Variants in RFX3 observed in about 807,000 individuals in gnomAD.
RFX3 encodes the protein transcription factor RFX3.
A neutral mutation model predicts 98.6 loss-of-function variants in RFX3; 14 were observed. The observed-to-expected ratio is 0.14, with a 90% CI of 0.09 to 0.22. The LOEUF is 0.22. Among genes scored for constraint, RFX3 ranks in the 10% least tolerant of loss-of-function variants. The probability of loss-of-function intolerance (pLI) is 1.00; values close to 1 mark genes in which losing one functional copy is unlikely to be tolerated. For synonymous variants in RFX3, 383 were observed against 328.4 expected (o/e 1.17, Z -1.80); for missense variants, 639 against 926.9 (o/e 0.69, Z 4.03).
chr9:3,232,411 T>C (rs1405930136), intron 15 of RFX3, among the ~76,000 whole-genome samples: 1 of 152,172 alleles, frequency 6.6e-6, no homozygotes, highest in African/African-American at 2.4e-5. Flanking sequence ...CACCGCATCA[T>C]GCTCACTTCC....
At chr9:3,337,203 C>T (rs779158366) in intron 3 of RFX3, among the ~76,000 whole-genome samples, 1 of 151,902 alleles carries the variant, frequency 6.6e-6, no homozygotes, top group African/African-American at 2.4e-5. Context: ...CTGAGATGGG[C>T]CATGTAAGAT....
chr9:3,523,384 TCA>T (rs1291035563), intron 1 of RFX3, among the ~76,000 whole-genome samples: 3 of 152,224 alleles, frequency 2.0e-5, no homozygotes, highest in Non-Finnish European at 2.9e-5. Context: ...TTACCATTTC[TCA>T]GTGTTTCTGA....
chr9:3,281,486 T>C (rs1248349006), intron 7 of RFX3, among the ~76,000 whole-genome samples: 1 of 151,720 alleles, frequency 6.6e-6, no homozygotes, highest in Admixed American at 6.6e-5. Flanking sequence ...TTAGATTTGG[T>C]TTTCCCAGAG....
chr9:3,330,985 G>C (rs191768722), intron 3 of RFX3, among the ~76,000 whole-genome samples: 4 of 152,246 alleles, frequency 2.6e-5, no homozygotes, highest in Non-Finnish European at 4.4e-5. Flanking sequence ...GACTAAAGGA[G>C]CTATCATGGA....
chr9:3,257,622 G>A (rs1822304034), intron 13 of RFX3, among the ~76,000 whole-genome samples: 1 of 152,154 alleles, frequency 6.6e-6, no homozygotes, highest in Non-Finnish European at 1.5e-5. Flanking sequence ...ATTTATTTGA[G>A]AAGATTTAGG....
chr9:3,467,794 G>T (rs1848444300), intron 1 of RFX3, among the ~76,000 whole-genome samples: 1 of 152,128 alleles, frequency 6.6e-6, no homozygotes, highest in Non-Finnish European at 1.5e-5. Context: ...CAGTGTACAA[G>T]CACACATAGG....
chr9:3,358,099 T>C (rs1028005912), intron 2 of RFX3, among the ~76,000 whole-genome samples: 1 of 152,104 alleles, frequency 6.6e-6, no homozygotes, highest in African/African-American at 2.4e-5. Flanking sequence ...TGATACTGGA[T>C]ATTAGGGTCG....
At position 3,242,625 on chromosome 9, in the gene RFX3, C is replaced by T. The variant is rs117283875; in HGVS notation, c.1968+5407G>A. Among the ~76,000 whole-genome samples, 625 of 152,204 alleles carry T rather than the reference C, an allele frequency of 4.1e-3. 2 individuals carry two copies. Among genetic ancestry groups the T allele is most frequent in the Non-Finnish European group, 7.0e-3 (479 of 67,982 alleles). On this transcript the variant is annotated intron_variant, in intron 15 of 16. Coordinates refer to ENST00000617270, the MANE Select transcript of RFX3 (RefSeq NM_001282116.2). ...AATTCTACTTCCACCAAATGGAATT[C>T]TTTCACTGAGCTTTTATCCCAAAAG...
At chr9:3,279,587 A>G (rs1825671615) in intron 7 of RFX3, among the ~76,000 whole-genome samples, 1 of 151,854 alleles carries the variant, frequency 6.6e-6, no homozygotes, top group South Asian at 2.1e-4. Flanking sequence ...ACAAATATCA[A>G]GGGCAAATGG....
rs372880953 is a variant in RFX3 at position 3,522,014 on chromosome 9, G to A, written c.-9+3733C>T. On this transcript the variant is annotated intron_variant, in intron 1 of 16. Transcript: ENST00000617270. ...AGAAATAAAAGTTATGTTAAATTAC[G>A]AATCTTGAGTAGTTCAAAACTTTTA... Among the ~76,000 whole-genome samples, 83 of 151,318 alleles carry A rather than the reference G, an allele frequency of 5.5e-4. 1 individual carries two copies. In the East Asian group the frequency reaches 0.011, roughly 19 times the overall value.
chr9:3,306,377 G>A (rs1563896804), intron 4 of RFX3, among the ~76,000 whole-genome samples: 3 of 151,924 alleles, frequency 2.0e-5, no homozygotes, highest in African/African-American at 4.8e-5. Flanking sequence ...TGCAACTATG[G>A]TGTGTGCTGC....
Position 3,399,381 on chromosome 9 carries a change from T to A in RFX3, c.-8-3785A>T, listed in dbSNP as rs376531801. On this transcript the variant is annotated intron_variant, in intron 1 of 16. Coordinates refer to ENST00000617270, the MANE Select transcript of RFX3 (RefSeq NM_001282116.2). ...ATCCCTTGAACTTGGGAGGCAGAGG[T>A]TGCAGTGAGCTGAGATCTCATCATT... Among the ~76,000 whole-genome samples the A allele has an allele frequency of 8.1e-4, 123 of 151,904 alleles. 3 individuals are homozygous for A. In the South Asian group the frequency reaches 0.025, roughly 31 times the overall value.
At chr9:3,343,419 A>G (rs892372358) in intron 3 of RFX3, among the ~76,000 whole-genome samples, 2 of 152,210 alleles carry the variant, frequency 1.3e-5, no homozygotes, top group Admixed American at 1.3e-4. Flanking sequence ...TCAGTGTGGT[A>G]GAACAGAATA....
intron 2 of RFX3, among the ~76,000 whole-genome samples, chr9:3,353,133 T>C (rs1260068035): frequency 7.4e-6 from 1 of 135,014 alleles, no homozygotes; most frequent in Non-Finnish European, 1.5e-5. Context: ...CACTCATAGG[T>C]GGGAATTGAA....
chr9:3,443,243 G>T (rs1266478758), intron 1 of RFX3, among the ~76,000 whole-genome samples: 2 of 152,086 alleles, frequency 1.3e-5, no homozygotes, highest in Non-Finnish European at 2.9e-5. Context: ...GGATGTGCAG[G>T]TTTGTTACAT....
chr9:3,293,793 G>A (rs1298009275), intron 5 of RFX3, among the ~76,000 whole-genome samples: 1 of 151,920 alleles, frequency 6.6e-6, no homozygotes, highest in African/African-American at 2.4e-5. Flanking sequence ...ATTGTCTACT[G>A]CGACAGATTC....
intron 1 of RFX3, among the ~76,000 whole-genome samples, chr9:3,448,387 T>C (rs544114452): frequency 6.6e-6 from 1 of 152,260 alleles, no homozygotes; most frequent in African/African-American, 2.4e-5. Flanking sequence ...AAGGACCAAA[T>C]AATTCCATTT....
intron 3 of RFX3, among the ~76,000 whole-genome samples, chr9:3,334,516 T>C (rs1239173465): frequency 1.3e-5 from 2 of 152,164 alleles, no homozygotes; most frequent in Non-Finnish European, 2.9e-5. Context: ...AATATCTATA[T>C]AGCCCTCAAA....
chr9:3,493,340 T>C (rs1029549296), intron 1 of RFX3, among the ~76,000 whole-genome samples: 1 of 152,130 alleles, frequency 6.6e-6, no homozygotes, highest in Non-Finnish European at 1.5e-5. Context: ...ATGTGCCAGA[T>C]TAATCTCCCT....
Sources: gnomAD v4.1 joint callset for allele counts (sites outside exome capture counted in the v4.1 genomes callset) on GRCh38, gnomAD v4.1.1 for gene constraint, MANE v1.5 for transcripts, NCBI Gene and HGNC (gene_info 2026-07-23, HGNC 2026-07-21) for gene names.